CEP63: variants seen among roughly 807,000 people sequenced by gnomAD.
The protein encoded by CEP63 is centrosomal protein of 63 kDa.
A neutral mutation model predicts 89.1 loss-of-function variants in CEP63; 84 were observed. The observed-to-expected ratio is 0.94, with a 90% CI of 0.79 to 1.13. The LOEUF (loss-of-function observed/expected upper bound fraction) is 1.13, where lower values mean the gene tolerates loss of function less well. Among genes scored for constraint, CEP63 ranks in the 50% most tolerant of loss-of-function variants. CEP63 has a pLI of 0.00. For synonymous variants in CEP63, 267 were observed against 272.5 expected, an observed-to-expected ratio of 0.98 and a Z score of 0.20; for missense variants, 838 against 813.3, an observed-to-expected ratio of 1.03 and a Z score of -0.37.
At chr3:134,497,030 G>A (rs144302706) in intron 2 of CEP63, among the ~76,000 whole-genome samples, 4 of 152,160 alleles carry the variant, frequency 2.6e-5, no homozygotes, top group Non-Finnish European at 4.4e-5. Flanking sequence ...TAGTGGTGTC[G>A]ACCATTTTTT....
chr3:134,586,598 A>G lies in CEP63; in HGVS notation c.1207-860A>G, dbSNP rs148650610. On this transcript the variant is annotated intron_variant, in intron 10 of 10. Coordinates refer to the CEP63 transcript ENST00000683931. ...ATGGGCTTCCCTTTGTGGTAACCCA[A>G]CTTTTCTCTCTGGCTGCCTTTAACA... Among the ~76,000 whole-genome samples the G allele has an allele frequency of 5.0e-3, 757 of 152,214 alleles. 2 individuals are homozygous for G. Among genetic ancestry groups the G allele is most frequent in the African/African-American group, 0.018 (734 of 41,524 alleles).
At chr3:134,490,725 G>A (rs1016447650) in intron 1 of CEP63, among the ~76,000 whole-genome samples, 2 of 151,400 alleles carry the variant, frequency 1.3e-5, no homozygotes, top group African/African-American at 4.9e-5. Context: ...CTTCCTTACT[G>A]ATACTGTTTT....
At chr3:134,510,645 C>A in intron 3 of CEP63, 2 of 651,082 alleles carry the variant, frequency 3.1e-6, no homozygotes, top group South Asian at 1.5e-5. Context: ...AGAGTGCACT[C>A]ACTCTCCCTT....
chr3:134,581,056 G>A (rs1395252113), intron 10 of CEP63, among the ~76,000 whole-genome samples: 1 of 145,128 alleles, frequency 6.9e-6, no homozygotes, highest in Non-Finnish European at 1.5e-5. Flanking sequence ...AAGATGGATG[G>A]GGGCCATGAG....
chr3:134,646,741 C>T, the CEP63 span, among the ~76,000 whole-genome samples: 2 of 152,114 alleles, frequency 1.3e-5, no homozygotes, highest in African/African-American at 2.4e-5. Flanking sequence ...CACATAGCTG[C>T]GGGCTGATGG....
Position 134,545,702 on chromosome 3 carries a change from G to C in CEP63, c.672G>C (p.Glu224Asp). ...ERANDTICAN[E>D]LEIERLTMRV... ...CTAATGACACTATCTGTGCCAATGA[G>C]TTGGAAATAGAGCGCCTCACCATGA... Residue 224 changes from glutamate to aspartate, a missense_variant, in exon 7 of 15, where the codon GAG becomes GAC. Glu to Asp is a conservative substitution (Grantham distance 45). Coordinates refer to ENST00000675561, the MANE Select transcript of CEP63 (RefSeq NM_001353108.3). 1 of 1,614,122 alleles carries C rather than the reference G, an allele frequency of 6.2e-7. No homozygotes were observed. The highest frequency in any genetic ancestry group is 1.1e-5 in the South Asian group (1 of 91,090).
the CEP63 span, among the ~76,000 whole-genome samples, chr3:134,637,923 C>T: frequency 6.6e-6 from 1 of 152,216 alleles, no homozygotes; most frequent in African/African-American, 2.4e-5. Flanking sequence ...CCCAGATGCT[C>T]CAGCCATCAC....
chr3:134,673,717 TC>T, the CEP63 span, among the ~76,000 whole-genome samples: 1 of 151,976 alleles, frequency 6.6e-6, no homozygotes, highest in Non-Finnish European at 1.5e-5. Flanking sequence ...TTTAATCCCT[TC>T]CCCATCCCCT....
chr3:134,547,900 C>T (rs1421940925), intron 9 of CEP63, among the ~76,000 whole-genome samples: 1 of 152,122 alleles, frequency 6.6e-6, no homozygotes, highest in Non-Finnish European at 1.5e-5. Flanking sequence ...TGAGTCACCG[C>T]ACCCTGCCCT....
At chr3:134,629,874 A>G in the CEP63 span, among the ~76,000 whole-genome samples, 6 of 152,206 alleles carry the variant, frequency 3.9e-5, no homozygotes, top group Non-Finnish European at 8.8e-5. Flanking sequence ...TAGTTTCCAG[A>G]TTCAGGCAAG....
downstream of CEP63, among the ~76,000 whole-genome samples, chr3:134,567,909 T>C (rs1193280294): frequency 2.6e-5 from 4 of 152,198 alleles, no homozygotes; most frequent in Admixed American, 1.3e-4. Flanking sequence ...CTTTAGAGGG[T>C]TACAGACCAC....
At chr3:134,778,246 C>T in the CEP63 span, among the ~76,000 whole-genome samples, 1 of 151,794 alleles carries the variant, frequency 6.6e-6, no homozygotes, top group South Asian at 2.1e-4. Flanking sequence ...TACAGACGTG[C>T]ACCACCACAC....
At chr3:134,671,062 G>A in the CEP63 span, among the ~76,000 whole-genome samples, 8 of 152,248 alleles carry the variant, frequency 5.3e-5, no homozygotes, top group Admixed American at 2.6e-4. Flanking sequence ...CCTCTGGGGC[G>A]GAAGGGAGAA....
chr3:134,591,859 C>T (rs994561355), downstream of CEP63, among the ~76,000 whole-genome samples: 8 of 150,800 alleles, frequency 5.3e-5, no homozygotes, highest in Non-Finnish European at 8.8e-5. Context: ...TTAGCTTGGG[C>T]AACAGAGCCA....
At chr3:134,691,652 G>A in the CEP63 span, among the ~76,000 whole-genome samples, 1 of 152,086 alleles carries the variant, frequency 6.6e-6, no homozygotes, top group Non-Finnish European at 1.5e-5. Context: ...TTAAAAACAG[G>A]CATAACAAAT....
At position 134,492,193 on chromosome 3, in the gene CEP63, C is replaced by T. The variant is rs994851856; in HGVS notation, c.-25-3103C>T. ...GGTTCACGCCATTCTCCTGCCTCAG[C>T]CTCCCGTGTAGCTGGGACTACAGGC... On this transcript the variant is annotated intron_variant, in intron 1 of 14. Transcript: ENST00000675561. Among the ~76,000 whole-genome samples the T allele has an allele frequency of 6.6e-5, 10 of 151,168 alleles. No individual in the cohort carries two copies. In the South Asian group the frequency reaches 1.7e-3, roughly 25 times the overall value.
At chr3:134,719,425 A>G in the CEP63 span, among the ~76,000 whole-genome samples, 1 of 152,156 alleles carries the variant, frequency 6.6e-6, no homozygotes, top group Non-Finnish European at 1.5e-5. Flanking sequence ...GATATAGATT[A>G]TTTTCTCACC....
the CEP63 span, among the ~76,000 whole-genome samples, chr3:134,615,905 G>T: frequency 6.6e-6 from 1 of 152,192 alleles, no homozygotes; most frequent in Admixed American, 6.5e-5. Flanking sequence ...TGGAGGATGA[G>T]TGGAAAGCCA....
chr3:134,606,919 C>T, the CEP63 span: 2 of 985,274 alleles, frequency 2.0e-6, no homozygotes, highest in South Asian at 9.4e-5. Flanking sequence ...TTCTGCTCAT[C>T]TCAGTTTCCC....
Sources: allele counts gnomAD v4.1 joint callset (sites outside exome capture counted in the v4.1 genomes callset), GRCh38; gene constraint gnomAD v4.1.1; transcripts MANE v1.5; gene names NCBI Gene and HGNC (gene_info 2026-07-23, HGNC 2026-07-21).